The following BAZ2B variants were observed in gnomAD, a reference collection of about 807,000 sequenced individuals.
The protein encoded by BAZ2B is bromodomain adjacent to zinc finger domain 2B.
Under a neutral mutation model 246.0 loss-of-function variants are expected in BAZ2B, and 91 were observed. The observed-to-expected ratio is 0.37, with a 90% CI of 0.31 to 0.44. The LOEUF (loss-of-function observed/expected upper bound fraction) is 0.44. Among genes scored for constraint, BAZ2B ranks in the 20% least tolerant of loss-of-function variants. The probability of loss-of-function intolerance (pLI) is 1.00; values close to 1 mark genes in which losing one functional copy is unlikely to be tolerated. For missense variants in BAZ2B, 2,332 were observed against 2,533.7 expected (o/e 0.92, Z 1.71); for synonymous variants, 855 against 860.0 (o/e 0.99, Z 0.10).
At chr2:159,475,090 A>C (rs542299106) in intron 3 of BAZ2B, among the ~76,000 whole-genome samples, 2 of 152,122 alleles carry the variant, frequency 1.3e-5, no homozygotes, top group Non-Finnish European at 2.9e-5. Flanking sequence ...CTGAATTTGA[A>C]TGTTGGCCTG....
intron 13 of BAZ2B, among the ~76,000 whole-genome samples, chr2:159,418,919 T>C (rs1186265788): frequency 6.6e-6 from 1 of 152,198 alleles, no homozygotes; most frequent in Non-Finnish European, 1.5e-5. Context: ...TCCTTGCCTC[T>C]GGTAGTAAAA....
Position 159,468,920 on chromosome 2 carries a change from G to A in BAZ2B, c.145+9655C>T, listed in dbSNP as rs534333843. On this transcript the variant is annotated intron_variant, in intron 3 of 36. Transcript: ENST00000392783. ...AAAAAAATTAGCTAGGTGTGGTGGT[G>A]GGTGCCTGTAATCACATCTACTTGG... 7.9e-5 allele frequency among the ~76,000 whole-genome samples: 12 copies of A among 151,824 alleles called. No individual in the cohort carries two copies. In the South Asian group the frequency reaches 8.3e-4, roughly 11 times the overall value.
intron 27 of BAZ2B, among the ~76,000 whole-genome samples, chr2:159,354,554 G>A (rs2058889914): frequency 6.6e-6 from 1 of 151,962 alleles, no homozygotes; most frequent in Admixed American, 6.6e-5. Flanking sequence ...TTTTACCATG[G>A]TGGTCAGGCT....
intron 31 of BAZ2B, among the ~76,000 whole-genome samples, chr2:159,345,073 G>C (rs1276615665): frequency 1.3e-5 from 2 of 152,038 alleles, no homozygotes; most frequent in Non-Finnish European, 2.9e-5. Context: ...AGCTGGGCTT[G>C]GTGGGGCATG....
At chr2:159,542,305 A>C (rs970659956) in intron 2 of BAZ2B, among the ~76,000 whole-genome samples, 6 of 152,230 alleles carry the variant, frequency 3.9e-5, no homozygotes, top group African/African-American at 1.4e-4. Flanking sequence ...AATTTGAAGA[A>C]AGACATGAAT....
chr2:159,346,111 T>C (rs992913953), intron 31 of BAZ2B, among the ~76,000 whole-genome samples: 2 of 152,188 alleles, frequency 1.3e-5, no homozygotes, highest in Admixed American at 1.3e-4. Context: ...ACTTTTATAC[T>C]GTATTATAGA....
intron 2 of BAZ2B, among the ~76,000 whole-genome samples, chr2:159,499,130 A>C (rs1268575113): frequency 6.6e-6 from 1 of 152,062 alleles, no homozygotes; most frequent in East Asian, 1.9e-4. Context: ...CCTAGGTATT[A>C]AGCCCAACAT....
the BAZ2B span, among the ~76,000 whole-genome samples, chr2:159,625,368 G>A: frequency 3.3e-5 from 5 of 151,948 alleles, no homozygotes; most frequent in Non-Finnish European, 5.9e-5. Flanking sequence ...CCCAAGACAC[G>A]CAATCATCAG....
chr2:159,360,170 C>G (rs1000754845), intron 27 of BAZ2B, among the ~76,000 whole-genome samples: 6 of 152,230 alleles, frequency 3.9e-5, no homozygotes, highest in African/African-American at 1.4e-4. Context: ...CAAATTGTCT[C>G]TGTTTGCAGA....
chr2:159,399,255 A>C (rs1246460699), intron 17 of BAZ2B, among the ~76,000 whole-genome samples: 1 of 152,220 alleles, frequency 6.6e-6, no homozygotes, highest in Admixed American at 6.5e-5. Flanking sequence ...AAAGTAAAAC[A>C]TAATCACTGT....
chr2:159,340,688 A>G (rs1309243276), intron 31 of BAZ2B, among the ~76,000 whole-genome samples: 1 of 152,088 alleles, frequency 6.6e-6, no homozygotes, highest in Non-Finnish European at 1.5e-5. Context: ...TGAAGGAGAA[A>G]AAGAATCTTT....
At chr2:159,337,865 C>T in intron 31 of BAZ2B, 93 bp from the exon 32 acceptor site, 1 of 1,212,254 alleles carries the variant, frequency 8.2e-7, no homozygotes, top group Non-Finnish European at 1.1e-6. Context: ...TGGATACTGG[C>T]AGATCTCAAG....
At chr2:159,528,183 T>G (rs1397405339) in intron 2 of BAZ2B, among the ~76,000 whole-genome samples, 2 of 152,130 alleles carry the variant, frequency 1.3e-5, no homozygotes, top group Non-Finnish European at 2.9e-5. Flanking sequence ...TGATGTCAAT[T>G]ATATCATCAT....
At chr2:159,364,965 G>A (rs2060073460) in intron 27 of BAZ2B, among the ~76,000 whole-genome samples, 1 of 152,064 alleles carries the variant, frequency 6.6e-6, no homozygotes, top group South Asian at 2.1e-4. Context: ...CTGGTCTCAG[G>A]CAGAGACTCT....
intron 2 of BAZ2B, among the ~76,000 whole-genome samples, chr2:159,545,568 T>C (rs150307505): frequency 1.3e-5 from 2 of 150,004 alleles, no homozygotes; most frequent in African/African-American, 4.9e-5. Flanking sequence ...AGGCAAAAAA[T>C]GTCACTAATT....
At chr2:159,679,563 T>A in the BAZ2B span, among the ~76,000 whole-genome samples, 1 of 152,184 alleles carries the variant, frequency 6.6e-6, no homozygotes, top group African/African-American at 2.4e-5. Context: ...TGATTTAACA[T>A]TATAAGCCTT....
chr2:159,553,050 T>C (rs1458491494), intron 2 of BAZ2B, among the ~76,000 whole-genome samples: 1 of 152,168 alleles, frequency 6.6e-6, no homozygotes, highest in Non-Finnish European at 1.5e-5. Context: ...GTAGGGAATG[T>C]AGTCCACATT....
rs756433979 is a variant in BAZ2B, at chr2:159,412,513, A to G, written c.2499T>C (p.Asp833=). Residue 833 remains aspartate, a synonymous_variant, in exon 14 of 37, where the codon GAT becomes GAC. Transcript: ENST00000392783. ...GMQWCLLKEE[D]VIPRIRAMEG... ...CCATTGCCCTGATACGAGGAATGACATCCTCTTCTTTCAAAAGACACCACT... is the reference window on the plus strand; with the variant it reads ...CCATTGCCCTGATACGAGGAATGACGTCCTCTTCTTTCAAAAGACACCACT... 2.2e-5 allele frequency: 36 copies of G among 1,613,926 alleles called. No individual in the cohort carries two copies. In the Middle Eastern group the frequency reaches 9.9e-4, roughly 44 times the overall value.
chr2:159,545,443 C>T (rs2087197507), intron 2 of BAZ2B, among the ~76,000 whole-genome samples: 1 of 152,100 alleles, frequency 6.6e-6, no homozygotes, highest in African/African-American at 2.4e-5. Flanking sequence ...GATCAAAATC[C>T]TAGGAGATAT....
Sources: allele counts gnomAD v4.1 joint callset (sites outside exome capture counted in the v4.1 genomes callset), GRCh38; gene constraint gnomAD v4.1.1; transcripts MANE v1.5; gene names NCBI Gene and HGNC (gene_info 2026-07-23, HGNC 2026-07-21).